Variants in CEP112 observed in about 807,000 individuals in gnomAD.
CEP112 encodes centrosomal protein 112.
CEP112 carries 127 observed loss-of-function variants against 153.0 expected under a neutral mutation model. The observed-to-expected ratio is 0.83, with a 90% CI of 0.72 to 0.96. The LOEUF is 0.96. Among genes scored for constraint, CEP112 ranks in the 40% least tolerant of loss-of-function variants. The pLI is 0.00. For synonymous variants in CEP112, 358 were observed against 374.4 expected (o/e 0.96, Z 0.51); for missense variants, 1,089 against 1,101.2 (o/e 0.99, Z 0.16).
Position 65,843,944 on chromosome 17 carries a change from G to A in CEP112, c.2394+7860C>T, listed in dbSNP as rs1274205145. Among the ~76,000 whole-genome samples, 4 of 152,016 alleles carry A rather than the reference G, an allele frequency of 2.6e-5. No individual in the cohort carries two copies. In the East Asian group the frequency reaches 5.8e-4, roughly 22 times the overall value. ...TGTATCATAAAATTAAATCATAAAAGGCAAATGCCAAAGATATTTGCCACA... is the reference window on the plus strand; with the variant it reads ...TGTATCATAAAATTAAATCATAAAAAGCAAATGCCAAAGATATTTGCCACA... On this transcript the variant is annotated intron_variant, in intron 21 of 26. Transcript: ENST00000535342.
chr17:65,672,334 A>G (rs1350570334), intron 24 of CEP112, among the ~76,000 whole-genome samples: 1 of 152,208 alleles, frequency 6.6e-6, no homozygotes, highest in East Asian at 1.9e-4. Flanking sequence ...TTGTCCTGAG[A>G]CTAATTCATA....
intron 12 of CEP112, among the ~76,000 whole-genome samples, chr17:66,049,234 G>A (rs2066340898): frequency 1.8e-5 from 1 of 55,646 alleles, no homozygotes; most frequent in Non-Finnish European, 4.2e-5. Context: ...ATATGCGTAA[G>A]AGTAACTTAT....
At chr17:66,071,199 C>T (rs1372939887) in intron 8 of CEP112, among the ~76,000 whole-genome samples, 3 of 151,978 alleles carry the variant, frequency 2.0e-5, no homozygotes, top group African/African-American at 4.8e-5. Context: ...TTTTATGTTT[C>T]ACAAACAAAA....
At chr17:65,971,568 TG>T (rs2062819439) in intron 17 of CEP112, among the ~76,000 whole-genome samples, 1 of 152,224 alleles carries the variant, frequency 6.6e-6, no homozygotes, top group Non-Finnish European at 1.5e-5. Context: ...GTGTGTTGTA[TG>T]TATATGGCAT....
chr17:65,721,613 G>A (rs2049892756), intron 23 of CEP112, among the ~76,000 whole-genome samples: 1 of 152,054 alleles, frequency 6.6e-6, no homozygotes, highest in South Asian at 2.1e-4. Context: ...AAAACAACTG[G>A]CTTCCTCTTA....
At chr17:66,028,289 T>G (rs757787938) in intron 15 of CEP112, 24 bp downstream of exon 15, 27 of 1,385,102 alleles carry the variant, frequency 1.9e-5, no homozygotes, top group Non-Finnish European at 2.6e-5. Context: ...CCATTGTTCT[T>G]CTGTGTAGAA....
intron 2 of CEP112, among the ~76,000 whole-genome samples, chr17:66,177,729 C>T (rs1430510113): frequency 6.6e-6 from 1 of 152,084 alleles, no homozygotes; most frequent in Non-Finnish European, 1.5e-5. Flanking sequence ...CCCATCCTTC[C>T]CACCCTCTGG....
intron 24 of CEP112, among the ~76,000 whole-genome samples, chr17:65,656,452 T>G (rs1467353395): frequency 6.6e-6 from 1 of 152,224 alleles, no homozygotes; most frequent in Non-Finnish European, 1.5e-5. Context: ...ATGCAAAATA[T>G]TCACTTACAT....
intron 17 of CEP112, among the ~76,000 whole-genome samples, chr17:65,971,167 GTA>G: frequency 1.8e-5 from 1 of 54,928 alleles, no homozygotes; most frequent in African/African-American, 4.6e-5. Context: ...TACATTACAT[GTA>G]CAGCACATGT....
chr17:65,757,260 G>T (rs1334180046), intron 21 of CEP112, among the ~76,000 whole-genome samples: 1 of 152,144 alleles, frequency 6.6e-6, no homozygotes, highest in African/African-American at 2.4e-5. Context: ...GCTACTACAG[G>T]GTGGGACGAG....
chr17:65,862,398 C>CA, intron 20 of CEP112, among the ~76,000 whole-genome samples: 1 of 152,234 alleles, frequency 6.6e-6, no homozygotes, highest in Non-Finnish European at 1.5e-5. Flanking sequence ...ACCATCCTGG[C>CA]TAACACGGTG....
chr17:65,699,641 TG>T (rs1296145311), intron 23 of CEP112, among the ~76,000 whole-genome samples: 1 of 152,048 alleles, frequency 6.6e-6, no homozygotes. Flanking sequence ...TTTGAAGAGA[TG>T]GGGGTCTCAC....
At chr17:66,105,450 A>C (rs1260810144) in intron 6 of CEP112, among the ~76,000 whole-genome samples, 1 of 152,148 alleles carries the variant, frequency 6.6e-6, no homozygotes, top group African/African-American at 2.4e-5. Flanking sequence ...AATAACATTC[A>C]ATTTAAATGA....
intron 12 of CEP112, among the ~76,000 whole-genome samples, chr17:66,032,842 A>G (rs917819465): frequency 6.6e-6 from 1 of 152,188 alleles, no homozygotes; most frequent in African/African-American, 2.4e-5. Flanking sequence ...CACAAAATTA[A>G]GTGAAGATCA....
intron 8 of CEP112, among the ~76,000 whole-genome samples, chr17:66,092,170 G>T (rs1351400421): frequency 6.6e-6 from 1 of 151,412 alleles, no homozygotes; most frequent in East Asian, 1.9e-4. Flanking sequence ...CTCCCAAGTA[G>T]CTGGGATTAC....
intron 8 of CEP112, among the ~76,000 whole-genome samples, chr17:66,078,215 CTCTATTCTGT>C (rs1036727552): frequency 6.6e-6 from 1 of 150,584 alleles, no homozygotes; most frequent in African/African-American, 2.4e-5. Context: ...CTCTATTCTG[CTCTATTCTGT>C]GCTTTTGTAT....
chr17:65,711,606 T>C (rs1366713444), intron 23 of CEP112, among the ~76,000 whole-genome samples: 9 of 152,262 alleles, frequency 5.9e-5, no homozygotes, highest in Non-Finnish European at 7.3e-5. Context: ...CATCTAACTG[T>C]ATACTGCTGA....
In CEP112 at chr17:65,635,919, A is replaced by G. The variant is rs1598147492; in HGVS notation, c.*52T>C. The G allele has an allele frequency of 2.5e-6, 4 of 1,580,026 alleles. No individual in the cohort carries two copies. Among genetic ancestry groups the G allele is most frequent in the East Asian group, 2.3e-5 (1 of 44,350 alleles). On this transcript the variant is annotated 3_prime_UTR_variant, in exon 27 of 27. Coordinates refer to ENST00000535342, the MANE Select transcript of CEP112 (RefSeq NM_001199165.4). ...TATCCAAATCTTCAAACCTGCTGGAAGAAGTCCACAGCACAGCCTGGAAAT... is the reference window on the plus strand; with the variant it reads ...TATCCAAATCTTCAAACCTGCTGGAGGAAGTCCACAGCACAGCCTGGAAAT...
At position 65,902,335 on chromosome 17, in the gene CEP112, C is replaced by T; in HGVS notation, c.1981-1G>A. ...CATGCTCCAGCTTCAGCTCTACTAT[C>T]TGATTGGACAATGAGGAGGACAGTT... On this transcript the variant is annotated splice_acceptor_variant, in intron 19 of 26. Transcript: ENST00000535342. LOFTEE classifies it high-confidence loss of function. The T allele has an allele frequency of 6.2e-7, 1 of 1,611,776 alleles. No individual in the cohort carries two copies. Among genetic ancestry groups the T allele is most frequent in the Non-Finnish European group, 8.5e-7 (1 of 1,179,138 alleles).
Sources: gnomAD v4.1 joint callset for allele counts (sites outside exome capture counted in the v4.1 genomes callset) on GRCh38, gnomAD v4.1.1 for gene constraint, MANE v1.5 for transcripts, NCBI Gene and HGNC (gene_info 2026-07-23, HGNC 2026-07-21) for gene names.